Variants in SAP130 observed in about 807,000 individuals in gnomAD.
SAP130 encodes histone deacetylase complex subunit SAP130.
In SAP130, 16 loss-of-function variants were observed where a neutral mutation model predicts 103.2. The observed-to-expected ratio is 0.16, with a 90% CI of 0.10 to 0.24. The LOEUF (loss-of-function observed/expected upper bound fraction) is 0.24, where lower values mean the gene tolerates loss of function less well. Ranked by LOEUF, SAP130 falls within the 10% of genes least tolerant of loss-of-function variation. The pLI is 1.00. For missense variants in SAP130, 990 were observed against 1,359.7 expected, an observed-to-expected ratio of 0.73 and a Z score of 4.28; for synonymous variants, 477 against 497.0, an observed-to-expected ratio of 0.96 and a Z score of 0.53.
At chr2:127,997,713 T>C (rs76093755) in intron 10 of SAP130, among the ~76,000 whole-genome samples, 4,238 of 152,294 alleles carry the variant, frequency 0.028, 179 homozygotes, top group African/African-American at 0.093. Flanking sequence ...AAAATGATGC[T>C]TCCAGTAGGA....
Position 127,986,399 on chromosome 2 carries a change from T to C in SAP130, c.1958+386A>G, listed in dbSNP as rs961567591. Among the ~76,000 whole-genome samples, 1 of 152,220 alleles carries C rather than the reference T, an allele frequency of 6.6e-6. No individual in the cohort carries two copies. The highest frequency in any genetic ancestry group is 2.4e-5 in the African/African-American group (1 of 41,456). On this transcript the variant is annotated intron_variant, in intron 14 of 20. Coordinates refer to ENST00000643581, the MANE Select transcript of SAP130 (RefSeq NM_001330301.2). The surrounding 1 kb of genome is among the most constrained non-coding windows in gnomAD (Gnocchi z 4.7). ...GCCCTGCGAGGGGGACAAGGGAACT[T>C]TTCCCGTTTCAACAGCAACGATTCA...
Position 128,024,308 on chromosome 2 carries a change from A to C in SAP130, c.112+1873T>G, listed in dbSNP as rs367635007. Among the ~76,000 whole-genome samples the C allele has an allele frequency of 4.0e-4, 61 of 151,874 alleles. 1 individual carries two copies. In the East Asian group the frequency reaches 0.01, roughly 25 times the overall value. ...AGCCTGGTCAACATAGCAAGACTCC[A>C]TCTCCATTGGAAAAAAAAAAAATTA... On this transcript the variant is annotated intron_variant, in intron 2 of 20. Transcript: ENST00000643581.
At chr2:127,976,349 C>T (rs1681459537) in intron 15 of SAP130, among the ~76,000 whole-genome samples, 1 of 152,168 alleles carries the variant, frequency 6.6e-6, no homozygotes, top group Non-Finnish European at 1.5e-5. Flanking sequence ...TTTACTCTGT[C>T]TCCCTTTCTT....
Position 127,986,001 on chromosome 2 carries a change from G to A in SAP130, c.1958+784C>T, listed in dbSNP as rs367760251. ...TGGCCAGGGCAGTCAAGAGAGCTGG[G>A]GCCGCTCCATCTCCCTTCTGGCTTC... On this transcript the variant is annotated intron_variant, in intron 14 of 20. Coordinates refer to ENST00000643581, the MANE Select transcript of SAP130 (RefSeq NM_001330301.2). The surrounding 1 kb of genome is among the most constrained non-coding windows in gnomAD (Gnocchi z 4.7). Among the ~76,000 whole-genome samples the A allele has an allele frequency of 5.5e-4, 84 of 152,232 alleles. No individual in the cohort carries two copies. The highest frequency in any genetic ancestry group is 2.0e-3 in the African/African-American group (82 of 41,544).
At chr2:127,958,401 G>T (rs959796523) in intron 15 of SAP130, among the ~76,000 whole-genome samples, 1 of 152,324 alleles carries the variant, frequency 6.6e-6, no homozygotes, top group African/African-American at 2.4e-5. Context: ...GTGACAGGGC[G>T]AGACTCCGTC....
At chr2:127,967,692 G>A (rs1258105171) in intron 15 of SAP130, among the ~76,000 whole-genome samples, 1 of 152,070 alleles carries the variant, frequency 6.6e-6, no homozygotes, top group African/African-American at 2.4e-5. Context: ...CACTGTGCCC[G>A]GCCATAGCTG....
rs1201574968 is a variant in SAP130 at position 128,017,660 on chromosome 2, G to A, written c.348+20C>T. The A allele has an allele frequency of 1.2e-6, 2 of 1,604,952 alleles. No individual in the cohort carries two copies. Among genetic ancestry groups the A allele is most frequent in the Non-Finnish European group, 1.7e-6 (2 of 1,171,786 alleles). On this transcript the variant is annotated intron_variant, in intron 3 of 20. Transcript: ENST00000643581. The stretch of plus-strand genomic sequence containing the variant: ...GTCTCGAGCTCTGGTTCAGTGTGAA[G>A]TTTTAACCCTCTCCATTACCTTCAT...
At chr2:127,991,360 A>C (rs1212324482) in intron 12 of SAP130, among the ~76,000 whole-genome samples, 1 of 152,076 alleles carries the variant, frequency 6.6e-6, no homozygotes, top group Non-Finnish European at 1.5e-5. Context: ...TTTTGGGACA[A>C]GGGTCTCGCT....
intron 1 of SAP130, among the ~76,000 whole-genome samples, chr2:128,027,658 C>T (rs1241541239): frequency 6.7e-6 from 1 of 148,876 alleles, no homozygotes; most frequent in Non-Finnish European, 1.5e-5. Context: ...CTCCCCCGGC[C>T]GCTCTGCTTC....
intron 16 of SAP130, among the ~76,000 whole-genome samples, chr2:127,951,042 C>T (rs1214194792): frequency 6.6e-6 from 1 of 152,180 alleles, no homozygotes; most frequent in African/African-American, 2.4e-5. Context: ...CCTATTAACT[C>T]ATTATCGTAA....
chr2:127,949,085 AC>A (rs1679318978), intron 18 of SAP130, among the ~76,000 whole-genome samples: 1 of 152,176 alleles, frequency 6.6e-6, no homozygotes, highest in South Asian at 2.1e-4. Context: ...CCATTCAGAA[AC>A]TGAACTGTTA....
At chr2:127,966,819 T>A (rs1384111363) in intron 15 of SAP130, among the ~76,000 whole-genome samples, 3 of 152,222 alleles carry the variant, frequency 2.0e-5, no homozygotes, top group Non-Finnish European at 4.4e-5. Context: ...AAAATATTTG[T>A]GTAATTTGAG....
intron 10 of SAP130, among the ~76,000 whole-genome samples, chr2:127,998,938 G>C (rs1005925728): frequency 6.6e-6 from 1 of 152,228 alleles, no homozygotes; most frequent in Non-Finnish European, 1.5e-5. Context: ...AAGGAAATGG[G>C]CTGAGATGGC....
At chr2:127,992,876 T>C (rs1249479268) in intron 12 of SAP130, among the ~76,000 whole-genome samples, 1 of 152,148 alleles carries the variant, frequency 6.6e-6, no homozygotes, top group Non-Finnish European at 1.5e-5. Context: ...AAGATTTGCA[T>C]AAAACAATGG....
chr2:127,950,746 G>GGA (rs1305870628), intron 16 of SAP130, among the ~76,000 whole-genome samples: 4 of 152,282 alleles, frequency 2.6e-5, no homozygotes, highest in South Asian at 2.1e-4. Context: ...TTTCCAGGAG[G>GGA]GAGAGAGAGA....
chr2:128,014,946 CAT>C (rs769433195), intron 4 of SAP130, 32 bp from the exon 5 acceptor site: 83 of 1,581,712 alleles, frequency 5.2e-5, no homozygotes, highest in Admixed American at 1.7e-5. Context: ...GTTATTTTTA[CAT>C]GTTTGCTCTT....
rs547555070 is a variant in SAP130, at chr2:127,950,052, A to G, written c.2672-58T>C. On this transcript the variant is annotated intron_variant, in intron 17 of 20. Transcript: ENST00000643581. ...ACACTGTCAACAATCCTCAAAGTTCATTTCCAGTAAGTGAGGTACGAGTGA... is the reference window on the plus strand; with the variant it reads ...ACACTGTCAACAATCCTCAAAGTTCGTTTCCAGTAAGTGAGGTACGAGTGA... The G allele has an allele frequency of 1.6e-4, 257 of 1,609,598 alleles. 1 individual carries two copies. The South Asian group carries it at 2.7e-3, about 17-fold the overall frequency.
rs746010325 is a variant in SAP130 at position 127,953,702 on chromosome 2, T to C, written c.2422+1284A>G. Among the ~76,000 whole-genome samples the C allele has an allele frequency of 1.3e-5, 2 of 152,206 alleles. No homozygotes were observed. The highest frequency in any genetic ancestry group is 2.9e-5 in the Non-Finnish European group (2 of 68,038). On this transcript the variant is annotated intron_variant, in intron 16 of 20. Coordinates refer to ENST00000643581, the MANE Select transcript of SAP130 (RefSeq NM_001330301.2). The surrounding 1 kb of genome is among the most constrained non-coding windows in gnomAD (Gnocchi z 4.0). Reference sequence around the variant, plus strand: ...ACTGCTCTCTGGCCTGGAATACCCTTTCCCCGGATATCCTCATGGCCAGGA... The same window carrying C: ...ACTGCTCTCTGGCCTGGAATACCCTCTCCCCGGATATCCTCATGGCCAGGA...
intron 2 of SAP130, among the ~76,000 whole-genome samples, chr2:128,022,960 G>A (rs1685254273): frequency 6.6e-6 from 1 of 151,690 alleles, no homozygotes; most frequent in Non-Finnish European, 1.5e-5. Flanking sequence ...CTCTCAAGTA[G>A]CTGGGACTAT....
Sources: gnomAD v4.1 joint callset for allele counts (sites outside exome capture counted in the v4.1 genomes callset) on GRCh38, gnomAD v4.1.1 for gene constraint, Gnocchi (gnomAD v3.1) non-coding constraint, MANE v1.5 for transcripts, NCBI Gene and HGNC (gene_info 2026-07-23, HGNC 2026-07-21) for gene names.